Variants in AKAP9 observed in about 807,000 individuals in gnomAD.
AKAP9 encodes the protein A-kinase anchoring protein 9.
A neutral mutation model predicts 488.5 loss-of-function variants in AKAP9; 311 were observed. The observed-to-expected ratio is 0.64, with a 90% CI of 0.58 to 0.70. AKAP9 has a LOEUF of 0.70. AKAP9 is among the 30% of genes least tolerant of loss of function. The pLI is 0.00. For synonymous variants in AKAP9, 1,462 were observed against 1,483.5 expected (o/e 0.99, Z 0.33); for missense variants, 4,215 against 4,374.5 (o/e 0.96, Z 1.03).
intron 31 of AKAP9, among the ~76,000 whole-genome samples, chr7:92,081,433 C>T (rs377693631): frequency 2.3e-4 from 34 of 148,038 alleles, no homozygotes; most frequent in Non-Finnish European, 3.3e-4. Flanking sequence ...GCCTCCCAGG[C>T]GGCTGGGATT....
chr7:91,968,620 C>A (rs6952671), intron 1 of AKAP9, among the ~76,000 whole-genome samples: 60,635 of 151,752 alleles, frequency 0.4, 12,391 homozygotes, highest in African/African-American at 0.46. Context: ...TTTGTTATTT[C>A]CTTTCTTCTA....
intron 1 of AKAP9, among the ~76,000 whole-genome samples, chr7:91,951,284 T>C (rs1448496128): frequency 6.6e-6 from 1 of 152,018 alleles, no homozygotes. Context: ...TTTCTCTATC[T>C]CACTCTCTTT....
At chr7:91,949,115 T>A (rs1219939889) in intron 1 of AKAP9, among the ~76,000 whole-genome samples, 2 of 151,938 alleles carry the variant, frequency 1.3e-5, no homozygotes, top group Non-Finnish European at 2.9e-5. Context: ...AATTGGGTTG[T>A]TACCAACTTC....
At chr7:91,963,527 C>CA (rs1267784259) in intron 1 of AKAP9, among the ~76,000 whole-genome samples, 1 of 144,952 alleles carries the variant, frequency 6.9e-6, no homozygotes, top group African/African-American at 2.7e-5. Context: ...CACACACACA[C>CA]ATATTTTTGA....
chr7:92,070,256 C>T (rs763712396), intron 27 of AKAP9, 50 bp downstream of exon 27: 1 of 1,567,642 alleles, frequency 6.4e-7, no homozygotes, highest in Non-Finnish European at 8.8e-7. Flanking sequence ...ATGAAGAATA[C>T]TCTTAAATTG....
rs1158357558 is a variant in AKAP9, at chr7:92,096,822, T to G, written c.9863T>G (p.Leu3288Trp). ...ESQRMLYDAQ[L>W]SEEQGRNLEL... ...CAGAGAATGCTATATGATGCCCAGTTGTCAGAAGAACAAGGTCGAAACTTA... is the reference window on the plus strand; with the variant it reads ...CAGAGAATGCTATATGATGCCCAGTGGTCAGAAGAACAAGGTCGAAACTTA... Residue 3288 changes from leucine to tryptophan, a missense_variant, in exon 41 of 50, where the codon TTG becomes TGG. Coordinates refer to ENST00000356239, the MANE Select transcript of AKAP9 (RefSeq NM_005751.5). 1 of 1,614,090 alleles carries G rather than the reference T, an allele frequency of 6.2e-7. No homozygotes were observed. The highest frequency in any genetic ancestry group is 8.5e-7 in the Non-Finnish European group (1 of 1,180,042).
At position 92,093,269 on chromosome 7, in the gene AKAP9, A is replaced by G; in HGVS notation, c.9531A>G (p.Thr3177=). The change falls in exon 39 of 50, where the codon ACA becomes ACG. Residue 3177 remains threonine, a synonymous_variant. Coordinates refer to ENST00000356239, the MANE Select transcript of AKAP9 (RefSeq NM_005751.5). ...CACAAACTAAATTGGAACTAGAAAC[A>G]ACACTCAAGGCACAGCATAAACACC... ...ELAQTKLELE[T]TLKAQHKHLK... The G allele has an allele frequency of 2.5e-6, 4 of 1,614,132 alleles. No individual in the cohort carries two copies. Among genetic ancestry groups the G allele is most frequent in the Non-Finnish European group, 3.4e-6 (4 of 1,180,026 alleles).
In AKAP9 at chr7:92,070,094, A is replaced by G. The variant is rs755749761; in HGVS notation, c.6395A>G (p.Lys2132Arg). Residue 2132 changes from lysine to arginine, a missense_variant, in exon 27 of 50, where the codon AAA becomes AGA. By Grantham distance (26) the Lys-to-Arg change is conservative. Transcript: ENST00000356239. Reference sequence around the variant, plus strand: ...AAATGCAGTGAGCTTTTGCTCTCTAAAGAGCAGCTTCAAAGGGATATACAA... The same window carrying G: ...AAATGCAGTGAGCTTTTGCTCTCTAGAGAGCAGCTTCAAAGGGATATACAA... ...TDKCSELLLSKEQLQRDIQER... is the reference protein window; with the variant it reads ...TDKCSELLLSREQLQRDIQER... The G allele has an allele frequency of 6.2e-7, 1 of 1,613,914 alleles. No individual in the cohort carries two copies. Among genetic ancestry groups the G allele is most frequent in the South Asian group, 1.1e-5 (1 of 91,084 alleles).
chr7:92,060,925 A>G (rs767740280), intron 22 of AKAP9, among the ~76,000 whole-genome samples: 21 of 152,198 alleles, frequency 1.4e-4, no homozygotes, highest in African/African-American at 4.3e-4. Context: ...GGCAAATACA[A>G]TAAACGCCTG....
At chr7:92,020,103 A>G (rs1802117453) in intron 12 of AKAP9, among the ~76,000 whole-genome samples, 1 of 152,164 alleles carries the variant, frequency 6.6e-6, no homozygotes, top group Non-Finnish European at 1.5e-5. Flanking sequence ...TTTCTGCACA[A>G]GGGGTAATAA....
At chr7:91,955,483 G>A (rs1792873802) in intron 1 of AKAP9, among the ~76,000 whole-genome samples, 2 of 151,994 alleles carry the variant, frequency 1.3e-5, no homozygotes, top group African/African-American at 4.8e-5. Context: ...CCACATATAT[G>A]TACACATACA....
At chr7:92,000,789 A>C (rs1286531045) in intron 7 of AKAP9, 59 bp from the exon 8 acceptor site, 1 of 840,732 alleles carries the variant, frequency 1.2e-6, no homozygotes, top group African/African-American at 1.7e-5. Flanking sequence ...GAGATGAAGC[A>C]GTATAATTTG....
At chr7:92,080,238 C>T in intron 31 of AKAP9, 86 bp downstream of exon 31, 1 of 1,016,112 alleles carries the variant, frequency 9.8e-7, no homozygotes, top group Non-Finnish European at 1.4e-6. Flanking sequence ...GTTCTGTTTA[C>T]ATCTAACAAT....
At chr7:92,022,149 C>T in intron 12 of AKAP9, 89 bp from the exon 13 acceptor site, 1 of 1,030,470 alleles carries the variant, frequency 9.7e-7, no homozygotes, top group Non-Finnish European at 1.5e-6. Context: ...TTTAAAAAAG[C>T]ATCTTAAATG....
Position 92,028,360 on chromosome 7 carries a change from A to C in AKAP9, c.4149-1535A>C, listed in dbSNP as rs1803669822. ...TTGTGGACTAAGTAGTACTTTTTGGAGTTTAGATCATAATGACCGGATAGA... is the reference window on the plus strand; with the variant it reads ...TTGTGGACTAAGTAGTACTTTTTGGCGTTTAGATCATAATGACCGGATAGA... On this transcript the variant is annotated intron_variant, in intron 14 of 49. Coordinates refer to ENST00000356239, the MANE Select transcript of AKAP9 (RefSeq NM_005751.5). Among the ~76,000 whole-genome samples the C allele has an allele frequency of 3.5e-5, 5 of 142,280 alleles. No individual in the cohort carries two copies. The South Asian group carries it at 7.4e-4, about 21-fold the overall frequency. The allele number at this position is 142,280 out of a possible 152,430, so 93.3% of individuals were successfully genotyped here. A position where few individuals can be genotyped will look rare whatever the true frequency, so the allele number is the denominator to read the frequency against.
At chr7:91,955,726 C>T (rs1792901880) in intron 1 of AKAP9, among the ~76,000 whole-genome samples, 2 of 152,170 alleles carry the variant, frequency 1.3e-5, no homozygotes, top group Admixed American at 6.5e-5. Context: ...CTCTGCCTCC[C>T]GGGTTCAAGT....
chr7:92,083,156 T>G lies in AKAP9; in HGVS notation c.8161-14T>G. ...TTAACTGAATGCCCTACTGTTCTAT[T>G]CATTACGTTTTAGGTAAAAGAAACA... On this transcript the variant is annotated splice_polypyrimidine_tract_variant and intron_variant, in intron 32 of 49. Transcript: ENST00000356239. The G allele has an allele frequency of 6.2e-7, 1 of 1,613,502 alleles. No homozygotes were observed. Among genetic ancestry groups the G allele is most frequent in the Non-Finnish European group, 8.5e-7 (1 of 1,179,596 alleles).
rs1414727872 is a variant in AKAP9, at chr7:92,107,387, G to T, written c.11511G>T (p.Leu3837=). The change falls in exon 48 of 50, where the codon CTG becomes CTT. Residue 3837 remains leucine, a synonymous_variant. Coordinates refer to ENST00000356239, the MANE Select transcript of AKAP9 (RefSeq NM_005751.5). ...RHTTYRSRSD[L]DYIRSPLPFQ... is the part of the protein sequence containing the mutation. Reference sequence around the variant, plus strand: ...CTACGTATCGCTCAAGATCAGATCTGGACTATATTAGGTCCCCTTTACCAT... The same window carrying T: ...CTACGTATCGCTCAAGATCAGATCTTGACTATATTAGGTCCCCTTTACCAT... The T allele has an allele frequency of 1.2e-6, 2 of 1,613,568 alleles. No individual in the cohort carries two copies. The highest frequency in any genetic ancestry group is 2.7e-5 in the African/African-American group (2 of 74,854).
chr7:91,973,944 T>G lies in AKAP9; in HGVS notation c.282T>G (p.Ser94Arg), dbSNP rs1288792351. 1.2e-6 allele frequency: 2 copies of G among 1,613,884 alleles called. No homozygotes were observed. Among genetic ancestry groups the G allele is most frequent in the Non-Finnish European group, 1.7e-6 (2 of 1,179,982 alleles). ...MRTLHSGEIT[S>R]HEQGFSVELE... is the part of the protein sequence containing the mutation. The stretch of plus-strand genomic sequence containing the variant: ...CTCTACATAGTGGAGAAATAACCAG[T>G]CATGAGCAGGGCTTCTCTGTGGAAG... The change falls in exon 2 of 50, where the codon AGT becomes AGG. Residue 94 changes from serine (S) to arginine (R), a missense_variant. Coordinates refer to ENST00000356239, the MANE Select transcript of AKAP9 (RefSeq NM_005751.5).
Sources: allele counts gnomAD v4.1 joint callset (sites outside exome capture counted in the v4.1 genomes callset), GRCh38; gene constraint gnomAD v4.1.1; transcripts MANE v1.5; gene names NCBI Gene and HGNC (gene_info 2026-07-23, HGNC 2026-07-21).